Variants in TYW1 observed in about 807,000 individuals in gnomAD.
The protein encoded by TYW1 is tRNA-yW synthesizing protein 1 homolog.
Under a neutral mutation model 96.2 loss-of-function variants are expected in TYW1, and 46 were observed. That is an observed-to-expected ratio of 0.48 (90% CI 0.38 to 0.61). TYW1 has a LOEUF of 0.61. Ranked by LOEUF, TYW1 falls within the 20% of genes least tolerant of loss-of-function variation. The probability of loss-of-function intolerance (pLI) is 0.00; values close to 1 mark genes in which losing one functional copy is unlikely to be tolerated. For missense variants in TYW1, 684 were observed against 909.6 expected (o/e 0.75, Z 3.19); for synonymous variants, 274 against 323.0 (o/e 0.85, Z 1.63).
At chr7:67,209,646 C>T (rs759958983) in intron 15 of TYW1, among the ~76,000 whole-genome samples, 22 of 152,078 alleles carry the variant, frequency 1.4e-4, no homozygotes, top group Non-Finnish European at 2.4e-4. Context: ...GATCTCAGCT[C>T]GCTGCAACCT....
intron 13 of TYW1, among the ~76,000 whole-genome samples, chr7:67,152,481 A>C (rs548855609): frequency 1.3e-5 from 2 of 152,028 alleles, no homozygotes; most frequent in South Asian, 4.2e-4. Flanking sequence ...ATCTTTTGAC[A>C]ATCTTGCTTG....
intron 7 of TYW1, among the ~76,000 whole-genome samples, chr7:67,029,149 C>A (rs1203127584): frequency 6.6e-6 from 1 of 151,942 alleles, no homozygotes; most frequent in Non-Finnish European, 1.5e-5. Context: ...CAGGCGCCTG[C>A]CACTGCGCCC....
At chr7:67,173,431 C>T (rs1305918549) in intron 13 of TYW1, among the ~76,000 whole-genome samples, 3 of 152,120 alleles carry the variant, frequency 2.0e-5, no homozygotes, top group Non-Finnish European at 4.4e-5. Flanking sequence ...ACTAAAGGCT[C>T]GATTGACGAT....
intron 10 of TYW1, among the ~76,000 whole-genome samples, chr7:67,069,730 C>T (rs1257300655): frequency 6.6e-6 from 1 of 152,110 alleles, no homozygotes; most frequent in Non-Finnish European, 1.5e-5. Context: ...CAGAGCAAGA[C>T]CCTGTCTCAA....
chr7:67,209,647 G>A (rs1584699092), intron 15 of TYW1, among the ~76,000 whole-genome samples: 1 of 152,006 alleles, frequency 6.6e-6, no homozygotes, highest in South Asian at 2.1e-4. Flanking sequence ...ATCTCAGCTC[G>A]CTGCAACCTC....
intron 15 of TYW1, among the ~76,000 whole-genome samples, chr7:67,202,487 C>G (rs1197979104): frequency 6.6e-6 from 1 of 152,144 alleles, no homozygotes; most frequent in Non-Finnish European, 1.5e-5. Flanking sequence ...ACCTCAACCT[C>G]CCAGGCTCCA....
intron 9 of TYW1, among the ~76,000 whole-genome samples, chr7:67,061,804 A>G (rs1369322146): frequency 3.9e-5 from 6 of 152,228 alleles, no homozygotes. Context: ...TCACAAAAGT[A>G]TGCTTTACCA....
Position 66,996,885 on chromosome 7 carries a change from C to CGCGGCGAGGTAGCTCGGT in TYW1, c.-90_-73dup. On this transcript the variant is annotated 5_prime_UTR_variant, in exon 1 of 16. Transcript: ENST00000359626. ...CTGCAGGCACTCGGTACGCCGCTAA[C>CGCGGCGAGGTAGCTCGGT]GCGGCGAGGTAGCTCGGTGCGTCTC... 6.3e-7 allele frequency: 1 copy of CGCGGCGAGGTAGCTCGGT among 1,596,572 alleles called. No individual in the cohort carries two copies. Among genetic ancestry groups the CGCGGCGAGGTAGCTCGGT allele is most frequent in the Non-Finnish European group, 8.5e-7 (1 of 1,170,568 alleles).
At chr7:67,014,331 T>C (rs1793933195) in intron 4 of TYW1, 36 bp from the exon 5 acceptor site, 6 of 1,558,000 alleles carry the variant, frequency 3.9e-6, no homozygotes, top group Non-Finnish European at 5.2e-6. Flanking sequence ...ATTTATGCCT[T>C]GTATGTTCCA....
chr7:67,016,930 C>G (rs1794043889), intron 5 of TYW1, among the ~76,000 whole-genome samples: 1 of 151,982 alleles, frequency 6.6e-6, no homozygotes, highest in African/African-American at 2.4e-5. Context: ...TGGCCTCTCC[C>G]CATATTTTCA....
chr7:67,128,513 G>GATCCTTGTGCTATCTCTTTAAACTTTGC (rs1328630262), intron 13 of TYW1, among the ~76,000 whole-genome samples: 18 of 152,108 alleles, frequency 1.2e-4, no homozygotes, highest in Non-Finnish European at 2.9e-5. Flanking sequence ...GCCTGGTTTG[G>GATCCTTGTGCTATCTCTTTAAACTTTGC]ATCCTTGTGC....
At chr7:67,201,930 C>T (rs10081276) in intron 15 of TYW1, among the ~76,000 whole-genome samples, 2 of 151,990 alleles carry the variant, frequency 1.3e-5, no homozygotes, top group African/African-American at 4.8e-5. Flanking sequence ...TGGGAACTAT[C>T]TCAAGCTAGC....
At chr7:67,178,422 C>T (rs868799023) in intron 13 of TYW1, among the ~76,000 whole-genome samples, 2 of 152,316 alleles carry the variant, frequency 1.3e-5, no homozygotes, top group Middle Eastern at 3.4e-3. Flanking sequence ...AGAAGCCAGA[C>T]ACAAAAGAAT....
chr7:67,166,458 C>T (rs1283387033), intron 13 of TYW1, among the ~76,000 whole-genome samples: 1 of 150,892 alleles, frequency 6.6e-6, no homozygotes, highest in African/African-American at 2.4e-5. Flanking sequence ...TGAATTATTA[C>T]AAAATGAACA....
chr7:67,051,392 T>C (rs1018333360), intron 8 of TYW1, among the ~76,000 whole-genome samples: 18 of 152,122 alleles, frequency 1.2e-4, no homozygotes, highest in Non-Finnish European at 4.4e-5. Context: ...ACTGTAGCCT[T>C]GAACTCCTGG....
chr7:67,047,937 G>A (rs1199212381), intron 7 of TYW1, among the ~76,000 whole-genome samples: 39 of 151,630 alleles, frequency 2.6e-4, no homozygotes, highest in African/African-American at 8.2e-4. Context: ...ATAGGTGCCC[G>A]CCACCATGCC....
At position 67,136,370 on chromosome 7, in the gene TYW1, G is replaced by A. The variant is rs113615608; in HGVS notation, c.1698+18752G>A. On this transcript the variant is annotated intron_variant, in intron 13 of 15. Transcript: ENST00000359626. Reference sequence around the variant, plus strand: ...GATGTTAAGATTTTCATGGGTTAGCGTATGAAACTATTACAGTTATGTAAT... The same window carrying A: ...GATGTTAAGATTTTCATGGGTTAGCATATGAAACTATTACAGTTATGTAAT... Among the ~76,000 whole-genome samples, 17 of 152,282 alleles carry A rather than the reference G, an allele frequency of 1.1e-4. 1 individual carries two copies. Among genetic ancestry groups the A allele is most frequent in the South Asian group, 4.1e-4 (2 of 4,830 alleles).
In TYW1 at chr7:67,218,359, A is replaced by AT. The variant is rs59668382; in HGVS notation, c.1978-19937dup. Among the ~76,000 whole-genome samples the AT allele has an allele frequency of 5.1e-3, 747 of 147,202 alleles. 5 individuals are homozygous for AT. Among genetic ancestry groups the AT allele is most frequent in the African/African-American group, 6.5e-3 (261 of 40,234 alleles). ...AATTTTGTTTTATTTATATTTATTT[A>AT]TTTTTTTTTTTTGAGATGGAGTCTC... On this transcript the variant is annotated intron_variant, in intron 15 of 15. Coordinates refer to ENST00000359626, the MANE Select transcript of TYW1 (RefSeq NM_018264.4).
At chr7:67,021,261 C>CT (rs1393298389) in intron 6 of TYW1, among the ~76,000 whole-genome samples, 1 of 152,296 alleles carries the variant, frequency 6.6e-6, no homozygotes, top group African/African-American at 2.4e-5. Flanking sequence ...ATGTTAGACG[C>CT]TTCTCATTCT....
Sources: gnomAD v4.1 joint callset for allele counts (sites outside exome capture counted in the v4.1 genomes callset) on GRCh38, gnomAD v4.1.1 for gene constraint, MANE v1.5 for transcripts, NCBI Gene and HGNC (gene_info 2026-07-23, HGNC 2026-07-21) for gene names.